The following PADI1 variants were observed in gnomAD, a reference collection of about 807,000 sequenced individuals.
PADI1 encodes peptidyl arginine deiminase 1, also known as protein-arginine deiminase type-1.
Under a neutral mutation model 74.8 loss-of-function variants are expected in PADI1, and 65 were observed. The observed-to-expected ratio is 0.87, with a 90% CI of 0.71 to 1.07. The LOEUF is 1.07. Ranked by LOEUF, PADI1 falls within the 50% of genes least tolerant of loss-of-function variation. The pLI is 0.00. For synonymous variants in PADI1, 371 were observed against 336.2 expected, an observed-to-expected ratio of 1.10 and a Z score of -1.13; for missense variants, 943 against 854.0, an observed-to-expected ratio of 1.10 and a Z score of -1.30.
At chr1:17,230,769 G>A in intron 10 of PADI1, 90 bp downstream of exon 10, 2 of 728,698 alleles carry the variant, frequency 2.7e-6, no homozygotes, top group East Asian at 2.8e-5. Context: ...GTCCTATAGG[G>A]CTCAGAGAAC....
chr1:17,238,541 T>G, intron 12 of PADI1, 75 bp from the exon 13 acceptor site: 1 of 707,334 alleles, frequency 1.4e-6, no homozygotes, highest in Non-Finnish European at 2.1e-6. Context: ...AGGCCCCTCC[T>G]GAGTCCTGAG....
intron 11 of PADI1, among the ~76,000 whole-genome samples, chr1:17,233,181 G>A (rs3750297): frequency 0.29 from 43,594 of 152,134 alleles, 6,366 homozygotes; most frequent in Middle Eastern, 0.32. Flanking sequence ...TGTGGCCTGC[G>A]ATCTTTTGGC....
intron 1 of PADI1, among the ~76,000 whole-genome samples, chr1:17,210,996 AGT>A (rs1557448075): frequency 6.6e-6 from 1 of 152,134 alleles, no homozygotes; most frequent in African/African-American, 2.4e-5. Flanking sequence ...CTTCCATCCT[AGT>A]TGGAGAGTTA....
intron 11 of PADI1, among the ~76,000 whole-genome samples, chr1:17,236,764 A>T (rs1401760260): frequency 1.3e-5 from 2 of 151,976 alleles, no homozygotes; most frequent in Non-Finnish European, 2.9e-5. Flanking sequence ...AAAAAAAATT[A>T]AAAAAGAGAG....
At chr1:17,206,736 G>C (rs941373796) in intron 1 of PADI1, among the ~76,000 whole-genome samples, 1 of 144,294 alleles carries the variant, frequency 6.9e-6, no homozygotes, top group Non-Finnish European at 1.5e-5. Flanking sequence ...ACCCAGGCTG[G>C]AGTGCAGTGG....
intron 9 of PADI1, 97 bp downstream of exon 9, chr1:17,230,305 C>T (rs1209252772): frequency 2.1e-5 from 31 of 1,465,328 alleles, no homozygotes; most frequent in Admixed American, 1.0e-4. Context: ...AGAGAAGCCA[C>T]GGCAGCCTGG....
intron 1 of PADI1, among the ~76,000 whole-genome samples, chr1:17,205,844 C>T (rs756531121): frequency 1.3e-4 from 20 of 152,120 alleles, no homozygotes; most frequent in Non-Finnish European, 2.5e-4. Flanking sequence ...TGGAGCAAGA[C>T]GGCTGGGACT....
chr1:17,239,743 T>A lies in PADI1; in HGVS notation c.1592T>A (p.Leu531Gln), dbSNP rs779661365. Residue 531 changes from leucine (L) to glutamine (Q), a missense_variant, in exon 14 of 16, where the codon CTG (leucine) becomes CAG (glutamine). Leu to Gln is a moderately radical substitution (Grantham distance 113). Coordinates refer to ENST00000375471, the MANE Select transcript of PADI1 (RefSeq NM_013358.3). ...GCAAAAAGAAGCATTAATGAGATGC[T>A]GGCAGACAGACACCTCCAGAGAGAC... Reference protein sequence around the residue: ...HQAKRSINEMLADRHLQRDNL... With the variant: ...HQAKRSINEMQADRHLQRDNL... 1.9e-6 allele frequency: 3 copies of A among 1,613,994 alleles called. No individual in the cohort carries two copies. Among genetic ancestry groups the A allele is most frequent in the African/African-American group, 2.7e-5 (2 of 74,948 alleles).
At chr1:17,231,175 G>A (rs1429873243) in intron 10 of PADI1, among the ~76,000 whole-genome samples, 1 of 152,176 alleles carries the variant, frequency 6.6e-6, no homozygotes, top group Middle Eastern at 3.2e-3. Context: ...TTGAGTTCCA[G>A]GCACTGTCTC....
Position 17,244,333 on chromosome 1 carries a change from T to C in PADI1, c.*90T>C, listed in dbSNP as rs542563086. Reference sequence around the variant, plus strand: ...GAACAACCACCTGGCCTCCATTCTCTTGGGGGAGTCTTGGCACTTTGCAAA... The same window carrying C: ...GAACAACCACCTGGCCTCCATTCTCCTGGGGGAGTCTTGGCACTTTGCAAA... On this transcript the variant is annotated 3_prime_UTR_variant, in exon 16 of 16. Transcript: ENST00000375471. The C allele has an allele frequency of 2.1e-6, 2 of 968,094 alleles. No homozygotes were observed. The highest frequency in any genetic ancestry group is 1.6e-5 in the African/African-American group (1 of 62,400). The allele number at this position is 968,094 out of a possible 1,614,324, so 60.0% of individuals were successfully genotyped here.
intron 7 of PADI1, 43 bp from the exon 8 acceptor site, chr1:17,228,905 A>C: frequency 6.4e-7 from 1 of 1,568,696 alleles, no homozygotes; most frequent in Non-Finnish European, 8.7e-7. Flanking sequence ...GAGGCAGGCT[A>C]GGGGTCCCTG....
rs1569782234 is a variant in PADI1 at position 17,221,004 on chromosome 1, C to G, written c.93-1286C>G. Among the ~76,000 whole-genome samples, 5 of 152,238 alleles carry G rather than the reference C, an allele frequency of 3.3e-5. No individual in the cohort carries two copies. The South Asian group carries it at 8.3e-4, about 25-fold the overall frequency. On this transcript the variant is annotated intron_variant, in intron 1 of 15. Coordinates refer to ENST00000375471, the MANE Select transcript of PADI1 (RefSeq NM_013358.3). Reference sequence around the variant, plus strand: ...TGTGAGGGGTAGGGTGGGGGCCCGGCAGATGAGTGCCCCAGGCTGGGGCCA... The same window carrying G: ...TGTGAGGGGTAGGGTGGGGGCCCGGGAGATGAGTGCCCCAGGCTGGGGCCA...
At chr1:17,237,194 C>T in intron 11 of PADI1, 120 bp from the exon 12 acceptor site, 7 of 1,177,956 alleles carry the variant, frequency 5.9e-6, no homozygotes, top group African/African-American at 1.5e-5. Context: ...GCTCTACGCC[C>T]CACGTTTAAA....
rs773920222 is a variant in PADI1, at chr1:17,237,509, A to C, written c.1458+51A>C. On this transcript the variant is annotated intron_variant, in intron 12 of 15. Coordinates refer to ENST00000375471, the MANE Select transcript of PADI1 (RefSeq NM_013358.3). ...GCCACCTCTGCCCTTGTCTGACCTG[A>C]TGGGATGAGTCAGGGCAAAGCCATC... 2.6e-6 allele frequency: 4 copies of C among 1,539,782 alleles called. No individual in the cohort carries two copies. The African/African-American group carries it at 4.1e-5, about 16-fold the overall frequency.
At chr1:17,215,213 CTG>C (rs1358051252) in intron 1 of PADI1, among the ~76,000 whole-genome samples, 1 of 152,140 alleles carries the variant, frequency 6.6e-6, no homozygotes, top group Non-Finnish European at 1.5e-5. Context: ...GAGGGAGACA[CTG>C]AGACCAGGAG....
At position 17,230,220 on chromosome 1, in the gene PADI1, G is replaced by A. The variant is rs2072448280; in HGVS notation, c.1053+12G>A. Reference sequence around the variant, plus strand: ...ACCGCTGGATCCAGGTGGGAGCTGGGGGCAGCTCGGGAAGCCTGCAGCCTG... The same window carrying A: ...ACCGCTGGATCCAGGTGGGAGCTGGAGGCAGCTCGGGAAGCCTGCAGCCTG... On this transcript the variant is annotated intron_variant, in intron 9 of 15. Transcript: ENST00000375471. 6.2e-7 allele frequency: 1 copy of A among 1,611,216 alleles called. No homozygotes were observed.
rs796276122 is a variant in PADI1, at chr1:17,206,683, CTTTTTT to C, written c.92+1390_92+1395del. Among the ~76,000 whole-genome samples, 83 of 109,764 alleles carry C rather than the reference CTTTTTT, an allele frequency of 7.6e-4. 1 individual carries two copies. The highest frequency in any genetic ancestry group is 2.6e-3 in the African/African-American group (78 of 29,876). The allele number at this position is 109,764 out of a possible 152,430, so 72.0% of individuals were successfully genotyped here. ...AAGCTGAAGTCTTTTTTTTCTTTTT[CTTTTTT>C]TTTTTTTTTTTTTTTGAGATGGAGT... is the stretch of plus-strand genomic sequence containing the variant. On this transcript the variant is annotated intron_variant, in intron 1 of 15. Transcript: ENST00000375471.
At chr1:17,218,839 G>A (rs2072050606) in intron 1 of PADI1, among the ~76,000 whole-genome samples, 1 of 152,154 alleles carries the variant, frequency 6.6e-6, no homozygotes, top group Non-Finnish European at 1.5e-5. Context: ...TTGGGCAAGA[G>A]CCCAGACAGC....
chr1:17,224,483 G>C, intron 4 of PADI1, 55 bp downstream of exon 4: 1 of 1,330,448 alleles, frequency 7.5e-7, no homozygotes, highest in Non-Finnish European at 1.1e-6. Flanking sequence ...AACTTGGGGT[G>C]GTCCCGGGTG....
Sources: gnomAD v4.1 joint callset for allele counts (sites outside exome capture counted in the v4.1 genomes callset) on GRCh38, gnomAD v4.1.1 for gene constraint, MANE v1.5 for transcripts, NCBI Gene and HGNC (gene_info 2026-07-23, HGNC 2026-07-21) for gene names.